Variants in CDKN2D observed in about 807,000 individuals in gnomAD.
CDKN2D encodes cyclin dependent kinase inhibitor 2D, also known as cyclin-dependent kinase 4 inhibitor D.
A neutral mutation model predicts 4.7 loss-of-function variants in CDKN2D; 3 were observed. The ratio of observed to expected loss-of-function variants is 0.64; its 90% CI spans 0.29 to 1.66. The LOEUF (loss-of-function observed/expected upper bound fraction) is 1.66. Ranked by LOEUF, CDKN2D falls within the 40% of genes most tolerant of loss-of-function variation. CDKN2D has a pLI of 0.10. For missense variants in CDKN2D, 196 were observed against 230.9 expected (o/e 0.85, Z 0.98); for synonymous variants, 91 against 102.3 (o/e 0.89, Z 0.67).
rs374057869 is a variant in CDKN2D at position 10,567,013 on chromosome 19, T to C, written c.*45A>G. ...AAGTGTTTCTTCCCCTCTCTTCTGA[T>C]ACATAACCCCACGGGGTTCTCTTGC... is the stretch of plus-strand genomic sequence containing the variant. On this transcript the variant is annotated 3_prime_UTR_variant, in exon 2 of 2. Coordinates refer to ENST00000393599, the MANE Select transcript of CDKN2D (RefSeq NM_001800.4). 1.3e-5 allele frequency: 20 copies of C among 1,540,976 alleles called. No individual in the cohort carries two copies. The highest frequency in any genetic ancestry group is 5.5e-5 in the African/African-American group (4 of 72,712).
intron 1 of CDKN2D, among the ~76,000 whole-genome samples, 196 bp downstream of exon 1, chr19:10,568,316 TC>T (rs1325894561): frequency 5.3e-5 from 8 of 151,872 alleles, no homozygotes; most frequent in Non-Finnish European, 1.2e-4. Flanking sequence ...TAAAAAGCTC[TC>T]CCCTCCCCCC....
Position 10,567,386 on chromosome 19 carries a change from A to T in CDKN2D, c.173T>A (p.Leu58Gln). 1.2e-6 allele frequency: 2 copies of T among 1,613,964 alleles called. No individual in the cohort carries two copies. The highest frequency in any genetic ancestry group is 1.7e-6 in the Non-Finnish European group (2 of 1,179,920). ...VMMFGSTAIA[L>Q]ELLKQGASPN... ...GCTGGCACCTTGCTTCAGCAGCTCC[A>T]GGGCGATGGCGGTGCTGCCAAACAT... is the stretch of plus-strand genomic sequence containing the variant. Residue 58 changes from leucine to glutamine, a missense_variant, in exon 2 of 2, where the codon CTG (leucine) becomes CAG (glutamine). Coordinates refer to ENST00000393599, the MANE Select transcript of CDKN2D (RefSeq NM_001800.4).
Position 10,566,815 on chromosome 19 carries a change from C to A in CDKN2D, c.*243G>T, listed in dbSNP as rs558012672. The A allele has an allele frequency of 6.1e-6, 3 of 488,054 alleles. No homozygotes were observed. Among genetic ancestry groups the A allele is most frequent in the South Asian group, 4.7e-5 (2 of 42,398 alleles). The allele number at this position is 488,054 out of a possible 1,614,324, so 30.2% of individuals were successfully genotyped here. A position where few individuals can be genotyped will look rare whatever the true frequency, so the allele number is the denominator to read the frequency against. On this transcript the variant is annotated 3_prime_UTR_variant, in exon 2 of 2. Coordinates refer to ENST00000393599, the MANE Select transcript of CDKN2D (RefSeq NM_001800.4). ...GCCTGAGGCGCAGAAGAAACTGAAC[C>A]GTTTAGGTGGCTGTGGCCTGCAGGA...
Position 10,567,417 on chromosome 19 carries a change from C to G in CDKN2D, c.142G>C (p.Val48Leu). The G allele has an allele frequency of 6.2e-7, 1 of 1,611,552 alleles. No individual in the cohort carries two copies. The highest frequency in any genetic ancestry group is 2.2e-5 in the East Asian group (1 of 44,850). Residue 48 changes from valine (V) to leucine (L), a missense_variant and splice_region_variant, in exon 2 of 2, where the codon GTC (valine) becomes CTC (leucine). Transcript: ENST00000393599. ...LNRFGKTALQ[V>L]MMFGSTAIAL... ...ATGGCGGTGCTGCCAAACATCATGA[C>G]CTGTGTGAGGGACAGAGGATCAGGA...
Position 10,568,709 on chromosome 19 carries a change from CGCGGAGCAGCCGGCGGGCGCTG to C in CDKN2D, c.-78_-57del. 7.9e-7 allele frequency: 1 copy of C among 1,263,986 alleles called. No homozygotes were observed. The highest frequency in any genetic ancestry group is 1.0e-6 in the Non-Finnish European group (1 of 999,264). The allele number at this position is 1,263,986 out of a possible 1,614,324, so 78.3% of individuals were successfully genotyped here. A position where few individuals can be genotyped will look rare whatever the true frequency, so the allele number is the denominator to read the frequency against. On this transcript the variant is annotated 5_prime_UTR_variant, in exon 1 of 2. Transcript: ENST00000393599. ...CCCCGCCCCAGCCCGGCGCTGTCAG[CGCGGAGCAGCCGGCGGGCGCTG>C]GCCCGAACAGCCCTCCCGGGGCGCG...
chr19:10,568,500 G>C lies in CDKN2D; in HGVS notation c.141+13C>G. 2 of 1,397,406 alleles carry C rather than the reference G, an allele frequency of 1.4e-6. No individual in the cohort carries two copies. Among genetic ancestry groups the C allele is most frequent in the Non-Finnish European group, 1.9e-6 (2 of 1,070,540 alleles). 86.6% of individuals were successfully genotyped at this position (1,397,406 alleles called of 1,614,324 possible). A position where few individuals can be genotyped will look rare whatever the true frequency, so the allele number is the denominator to read the frequency against. ...TAGCCGCCCCGCCCCAACCTGGACC[G>C]GCCCGGCCTCACCTGCAGCGCCGTC... On this transcript the variant is annotated intron_variant, in intron 1 of 1. Coordinates refer to ENST00000393599, the MANE Select transcript of CDKN2D (RefSeq NM_001800.4).
chr19:10,566,950 C>T lies in CDKN2D; in HGVS notation c.*108G>A, dbSNP rs1916912414. On this transcript the variant is annotated 3_prime_UTR_variant, in exon 2 of 2. Coordinates refer to ENST00000393599, the MANE Select transcript of CDKN2D (RefSeq NM_001800.4). Reference sequence around the variant, plus strand: ...CCTATAAGCCACAAACTGTGCTCCTCCCCTACTGCAGCAGTGGGCAGGAGA... The same window carrying T: ...CCTATAAGCCACAAACTGTGCTCCTTCCCTACTGCAGCAGTGGGCAGGAGA... 8.5e-7 allele frequency: 1 copy of T among 1,176,264 alleles called. No individual in the cohort carries two copies. Among genetic ancestry groups the T allele is most frequent in the Admixed American group, 2.3e-5 (1 of 43,730 alleles). 72.9% of individuals were successfully genotyped at this position (1,176,264 alleles called of 1,614,324 possible).
Position 10,567,285 on chromosome 19 carries a change from C to A in CDKN2D, c.274G>T (p.Val92Phe). The A allele has an allele frequency of 6.2e-7, 1 of 1,614,208 alleles. No individual in the cohort carries two copies. The highest frequency in any genetic ancestry group is 8.5e-7 in the Non-Finnish European group (1 of 1,180,036). Residue 92 changes from valine (V) to phenylalanine (F), a missense_variant, in exon 2 of 2, where the codon GTC (valine) becomes TTC (phenylalanine). Coordinates refer to ENST00000393599, the MANE Select transcript of CDKN2D (RefSeq NM_001800.4). ...ARTGFLDTLK[V>F]LVEHGADVNV... ...ACATCAGCCCCGTGCTCCACTAGGA[C>A]CTTCAGGGTGTCCAGGAATCCAGTG...
rs1916929707 is a variant in CDKN2D, at chr19:10,567,398, G to A, written c.161C>T (p.Thr54Ile). 6.2e-7 allele frequency: 1 copy of A among 1,613,520 alleles called. No individual in the cohort carries two copies. Among genetic ancestry groups the A allele is most frequent in the Non-Finnish European group, 8.5e-7 (1 of 1,179,740 alleles). ...CTTCAGCAGCTCCAGGGCGATGGCG[G>A]TGCTGCCAAACATCATGACCTGTGT... ...TALQVMMFGS[T>I]AIALELLKQG... Residue 54 changes from threonine to isoleucine, a missense_variant, in exon 2 of 2, where the codon ACC (threonine) becomes ATC (isoleucine). Coordinates refer to ENST00000393599, the MANE Select transcript of CDKN2D (RefSeq NM_001800.4).
At chr19:10,567,536 G>C in intron 1 of CDKN2D, 119 bp from the exon 2 acceptor site, 1 of 1,211,322 alleles carries the variant, frequency 8.3e-7, no homozygotes, top group Non-Finnish European at 1.2e-6. Context: ...AATGCTAGAG[G>C]AGGGGTCCTC....
chr19:10,568,353 C>T (rs1158759968), intron 1 of CDKN2D, among the ~76,000 whole-genome samples, 160 bp downstream of exon 1: 1 of 151,094 alleles, frequency 6.6e-6, no homozygotes, highest in African/African-American at 2.4e-5. Flanking sequence ...CCACCACCCA[C>T]CTTCGAAGGG....
Position 10,567,134 on chromosome 19 carries a change from G to A in CDKN2D, c.425C>T (p.Pro142Leu), listed in dbSNP as rs1486773489. 1 of 1,614,072 alleles carries A rather than the reference G, an allele frequency of 6.2e-7. No homozygotes were observed. Among genetic ancestry groups the A allele is most frequent in the South Asian group, 1.1e-5 (1 of 91,080 alleles). Residue 142 changes from proline (P) to leucine (L), a missense_variant, in exon 2 of 2, where the codon CCC (proline) becomes CTC (leucine). Coordinates refer to ENST00000393599, the MANE Select transcript of CDKN2D (RefSeq NM_001800.4). Reference protein sequence around the residue: ...LHRRDARGLTPLELALQRGAQ... With the variant: ...LHRRDARGLTLLELALQRGAQ... ...CCCTCTCTGCAGTGCCAGCTCCAAG[G>A]GTGTGAGACCCCTGGCGTCCCTGCG...
At chr19:10,568,423 C>A in intron 1 of CDKN2D, 90 bp downstream of exon 1, 1 of 1,173,050 alleles carries the variant, frequency 8.5e-7, no homozygotes, top group Non-Finnish European at 1.1e-6. Context: ...TGGGTCACCA[C>A]CAGGGCCAGG....
At position 10,567,049 on chromosome 19, in the gene CDKN2D, G is replaced by C; in HGVS notation, c.*9C>G. 6.3e-7 allele frequency: 1 copy of C among 1,591,472 alleles called. No individual in the cohort carries two copies. The highest frequency in any genetic ancestry group is 8.5e-7 in the Non-Finnish European group (1 of 1,171,124). ...ACGGGGTTCTCTTGCTGGAGAGGGT[G>C]ACCCCAGATCACAGCGGGGCCACCA... On this transcript the variant is annotated 3_prime_UTR_variant, in exon 2 of 2. Coordinates refer to ENST00000393599, the MANE Select transcript of CDKN2D (RefSeq NM_001800.4).
chr19:10,566,705 C>G lies in CDKN2D; in HGVS notation c.*353G>C. 1 of 324,660 alleles carries G rather than the reference C, an allele frequency of 3.1e-6. No homozygotes were observed. Among genetic ancestry groups the G allele is most frequent in the East Asian group, 4.8e-5 (1 of 20,914 alleles). The allele number at this position is 324,660 out of a possible 1,614,324, so 20.1% of individuals were successfully genotyped here. A position where few individuals can be genotyped will look rare whatever the true frequency, so the allele number is the denominator to read the frequency against. Reference sequence around the variant, plus strand: ...CTTCAGGTCTCTGAGCACAGCCGGCCAAGGCCACCAGCTTCTAGGCTCCCT... The same window carrying G: ...CTTCAGGTCTCTGAGCACAGCCGGCGAAGGCCACCAGCTTCTAGGCTCCCT... On this transcript the variant is annotated 3_prime_UTR_variant, in exon 2 of 2. Coordinates refer to ENST00000393599, the MANE Select transcript of CDKN2D (RefSeq NM_001800.4).
At position 10,568,732 on chromosome 19, in the gene CDKN2D, G is replaced by A; in HGVS notation, c.-79C>T. On this transcript the variant is annotated 5_prime_UTR_variant, in exon 1 of 2. Transcript: ENST00000393599. ...AGCGCGGAGCAGCCGGCGGGCGCTG[G>A]CCCGAACAGCCCTCCCGGGGCGCGG... The A allele has an allele frequency of 9.6e-7, 1 of 1,044,104 alleles. No homozygotes were observed. The allele number at this position is 1,044,104 out of a possible 1,614,324, so 64.7% of individuals were successfully genotyped here. A position where few individuals can be genotyped will look rare whatever the true frequency, so the allele number is the denominator to read the frequency against.
At chr19:10,568,096 C>G (rs760819657) in intron 1 of CDKN2D, among the ~76,000 whole-genome samples, 7 of 151,984 alleles carry the variant, frequency 4.6e-5, no homozygotes, top group East Asian at 1.9e-4. Context: ...AGATTTGTCT[C>G]AGAGAGCCCC....
intron 1 of CDKN2D, among the ~76,000 whole-genome samples, chr19:10,568,233 C>A (rs1393938409): frequency 6.6e-6 from 1 of 152,130 alleles, no homozygotes; most frequent in Non-Finnish European, 1.5e-5. Context: ...CCCGCACCCA[C>A]GGAATAAGAA....
At position 10,567,310 on chromosome 19, in the gene CDKN2D, G is replaced by A; in HGVS notation, c.249C>T (p.Arg83=). The change falls in exon 2 of 2, where the codon CGC becomes CGT. Residue 83 remains arginine, a synonymous_variant. Coordinates refer to ENST00000393599, the MANE Select transcript of CDKN2D (RefSeq NM_001800.4). The stretch of plus-strand genomic sequence containing the variant: ...CCTTCAGGGTGTCCAGGAATCCAGT[G>A]CGGGCTGCGTCATGGACTGGACTGG... ...SGTSPVHDAA[R]TGFLDTLKVL... 6.2e-7 allele frequency: 1 copy of A among 1,614,216 alleles called. No homozygotes were observed. The highest frequency in any genetic ancestry group is 8.5e-7 in the Non-Finnish European group (1 of 1,180,038).
Sources: gnomAD v4.1 joint callset for allele counts (sites outside exome capture counted in the v4.1 genomes callset) on GRCh38, gnomAD v4.1.1 for gene constraint, MANE v1.5 for transcripts, NCBI Gene and HGNC (gene_info 2026-07-23, HGNC 2026-07-21) for gene names.